The following KCNMA1 variants were observed in gnomAD, a reference collection of about 807,000 sequenced individuals.
The protein encoded by KCNMA1 is Calcium-activated potassium channel subunit alpha-1.
Under a neutral mutation model 140.0 loss-of-function variants are expected in KCNMA1, and 29 were observed. The observed-to-expected ratio is 0.21, with a 90% confidence interval of 0.15 to 0.28. KCNMA1 has a LOEUF of 0.28. Among genes scored for constraint, KCNMA1 ranks in the 10% least tolerant of loss-of-function variants. The pLI, the probability that KCNMA1 is intolerant of heterozygous loss-of-function variation, is 1.00. For missense variants in KCNMA1, 880 were observed against 1,602.2 expected, an observed-to-expected ratio of 0.55 and a Z score of 7.70; for synonymous variants, 612 against 611.9, an observed-to-expected ratio of 1.00 and a Z score of 0.00.
At chr10:77,181,528 C>G (rs184864852) in intron 5 of KCNMA1, among the ~76,000 whole-genome samples, 4 of 152,278 alleles carry the variant, frequency 2.6e-5, no homozygotes, top group African/African-American at 9.6e-5. Flanking sequence ...CTAAAAGATT[C>G]TTCGAAGTCA....
intron 1 of KCNMA1, among the ~76,000 whole-genome samples, chr10:77,514,426 C>G (rs998284548): frequency 1.4e-4 from 21 of 152,162 alleles, no homozygotes; most frequent in African/African-American, 4.8e-4. Context: ...CCAGGTGGTA[C>G]AAGTTCAGCC....
chr10:77,032,680 A>G (rs2094017263), intron 15 of KCNMA1, among the ~76,000 whole-genome samples: 1 of 152,078 alleles, frequency 6.6e-6, no homozygotes, highest in Non-Finnish European at 1.5e-5. Context: ...CTTGATAATT[A>G]TTAGGTAAAG....
intron 1 of KCNMA1, 40 bp downstream of exon 1, chr10:77,637,224 TG>T: frequency 6.5e-7 from 1 of 1,538,408 alleles, no homozygotes; most frequent in Non-Finnish European, 8.8e-7. Context: ...CGAGAAGCGG[TG>T]GGGCTGGCGC....
At position 77,324,003 on chromosome 10, in the gene KCNMA1, C is replaced by T. The variant is rs566445986; in HGVS notation, c.541-72747G>A. 5.3e-5 allele frequency among the ~76,000 whole-genome samples: 8 copies of T among 152,320 alleles called. No individual in the cohort carries two copies. The South Asian group carries it at 1.7e-3, about 32-fold the overall frequency. Reference sequence around the variant, plus strand: ...GTATGCAGATGCTGACTTACCAGATCTAATTTGGGAAAAAGAAGAGGGTAA... The same window carrying T: ...GTATGCAGATGCTGACTTACCAGATTTAATTTGGGAAAAAGAAGAGGGTAA... On this transcript the variant is annotated intron_variant, in intron 2 of 27. Transcript: ENST00000286628.
At chr10:77,121,107 A>C (rs2097581734) in intron 5 of KCNMA1, 59 bp from the exon 6 acceptor site, 1 of 1,108,098 alleles carries the variant, frequency 9.0e-7, no homozygotes, top group Admixed American at 1.7e-5. Flanking sequence ...TAATGTTCAC[A>C]GTCTGCCATT....
chr10:77,570,709 C>T (rs1437054177), intron 1 of KCNMA1, among the ~76,000 whole-genome samples: 1 of 150,496 alleles, frequency 6.6e-6, no homozygotes, highest in Non-Finnish European at 1.5e-5. Flanking sequence ...GAACATTGTG[C>T]ACATGTACCC....
Position 77,188,213 on chromosome 10 carries a change from C to T in KCNMA1, c.603-3297G>A, listed in dbSNP as rs1323186749. On this transcript the variant is annotated intron_variant, in intron 3 of 27. Coordinates refer to ENST00000286628, the MANE Select transcript of KCNMA1 (RefSeq NM_001161352.2). Reference sequence around the variant, plus strand: ...AAAGTGACTCTGGATCACACACAGACTTAGATTTCCAGTCTGATGAGGCAT... The same window carrying T: ...AAAGTGACTCTGGATCACACACAGATTTAGATTTCCAGTCTGATGAGGCAT... 2.0e-5 allele frequency among the ~76,000 whole-genome samples: 3 copies of T among 151,762 alleles called. No individual in the cohort carries two copies. In the East Asian group the frequency reaches 5.8e-4, roughly 29 times the overall value.
chr10:77,582,832 G>A (rs1007732875), intron 1 of KCNMA1, among the ~76,000 whole-genome samples: 1 of 152,218 alleles, frequency 6.6e-6, no homozygotes, highest in African/African-American at 2.4e-5. Context: ...AGATAAGACT[G>A]TTTAGTAGAC....
At chr10:77,035,401 C>G (rs2094254026) in intron 15 of KCNMA1, among the ~76,000 whole-genome samples, 1 of 152,208 alleles carries the variant, frequency 6.6e-6, no homozygotes, top group Non-Finnish European at 1.5e-5. Flanking sequence ...GCATCTACCA[C>G]AGCACTTATC....
intron 14 of KCNMA1, among the ~76,000 whole-genome samples, chr10:77,042,328 G>A (rs2094768467): frequency 6.6e-6 from 1 of 152,158 alleles, no homozygotes; most frequent in South Asian, 2.1e-4. Context: ...TGACTTATAA[G>A]CAAAGGTCAC....
chr10:76,877,937 G>T (rs1446261650), intron 29 of KCNMA1: 3 of 1,566,518 alleles, frequency 1.9e-6, no homozygotes, highest in Non-Finnish European at 2.6e-6. Flanking sequence ...GAAATGAGAA[G>T]TTTAATTAGT....
At chr10:77,066,115 T>C (rs2095934877) in intron 14 of KCNMA1, among the ~76,000 whole-genome samples, 1 of 151,940 alleles carries the variant, frequency 6.6e-6, no homozygotes, top group Non-Finnish European at 1.5e-5. Context: ...TGCAGAAGAG[T>C]GACAGGATCT....
chr10:77,036,750 C>T (rs1044996762), intron 15 of KCNMA1, among the ~76,000 whole-genome samples: 4 of 152,154 alleles, frequency 2.6e-5, no homozygotes, highest in Admixed American at 6.5e-5. Context: ...ACTCTAATTA[C>T]GGCTGTGCTT....
At chr10:77,338,429 C>T (rs1424943814) in intron 2 of KCNMA1, among the ~76,000 whole-genome samples, 3 of 152,124 alleles carry the variant, frequency 2.0e-5, no homozygotes, top group Non-Finnish European at 4.4e-5. Context: ...GATGGCTCTG[C>T]CTCCATCTCT....
rs1482244383 is a variant in KCNMA1 at position 76,889,480 on chromosome 10, G to A, written c.3432C>T (p.His1144=). 6.2e-7 allele frequency: 1 copy of A among 1,613,372 alleles called. No individual in the cohort carries two copies. Among genetic ancestry groups the A allele is most frequent in the Non-Finnish European group, 8.5e-7 (1 of 1,179,340 alleles). ...CFGIYRLRDA[H]LSTPSQCTKR... The stretch of plus-strand genomic sequence containing the variant: ...TTGTGCACTGACTGGGGGTGCTGAG[G>A]TGAGCATCTCTCAGCCGGTAAATTC... Residue 1144 remains histidine, a synonymous_variant, in exon 27 of 28, where the codon CAC becomes CAT. Transcript: ENST00000286628.
intron 23 of KCNMA1, among the ~76,000 whole-genome samples, chr10:76,936,311 G>T (rs1320348896): frequency 6.6e-6 from 1 of 152,074 alleles, no homozygotes; most frequent in African/African-American, 2.4e-5. Context: ...TATTATAGAG[G>T]ACTCAAGATA....
chr10:77,146,617 A>G (rs1836791), intron 5 of KCNMA1, among the ~76,000 whole-genome samples: 74,164 of 147,886 alleles, frequency 0.5, 19,551 homozygotes, highest in African/African-American at 0.64. Flanking sequence ...CAGGAGAATC[A>G]CTTGAACCCA....
intron 1 of KCNMA1, among the ~76,000 whole-genome samples, chr10:77,570,138 G>A (rs1326925461): frequency 6.6e-6 from 1 of 151,678 alleles, no homozygotes; most frequent in Non-Finnish European, 1.5e-5. Context: ...CACTGTTGGT[G>A]GGACTGTAAA....
intron 2 of KCNMA1, among the ~76,000 whole-genome samples, chr10:77,377,454 G>T (rs2095196422): frequency 6.6e-6 from 1 of 152,166 alleles, no homozygotes; most frequent in Non-Finnish European, 1.5e-5. Flanking sequence ...GGGAAGTGGT[G>T]GCCAGGCAGG....
Sources: allele counts gnomAD v4.1 joint callset (sites outside exome capture counted in the v4.1 genomes callset), GRCh38; gene constraint gnomAD v4.1.1; transcripts MANE v1.5; gene names NCBI Gene and HGNC (gene_info 2026-07-23, HGNC 2026-07-21).